COL24A1: variants seen among roughly 807,000 people sequenced by gnomAD.
The protein encoded by COL24A1 is collagen alpha-1(XXIV) chain.
Under a neutral mutation model 253.9 loss-of-function variants are expected in COL24A1, and 224 were observed. The ratio of observed to expected loss-of-function variants is 0.88; its 90% CI spans 0.79 to 0.99. The LOEUF (loss-of-function observed/expected upper bound fraction) is 0.99. Ranked by LOEUF, COL24A1 falls within the 50% of genes least tolerant of loss-of-function variation. The probability of loss-of-function intolerance (pLI) is 0.00; values close to 1 mark genes in which losing one functional copy is unlikely to be tolerated. For synonymous variants in COL24A1, 685 were observed against 673.7 expected, an observed-to-expected ratio of 1.02 and a Z score of -0.26; for missense variants, 2,131 against 2,068.5, an observed-to-expected ratio of 1.03 and a Z score of -0.59.
intron 10 of COL24A1, 123 bp from the exon 11 acceptor site, chr1:86,050,300 A>T: frequency 1.7e-6 from 1 of 596,834 alleles, no homozygotes; most frequent in South Asian, 3.9e-5. Flanking sequence ...TACAAGTGCG[A>T]ATAACTTCCC....
In COL24A1 at chr1:86,019,582, C is replaced by T. The variant is rs1359416; in HGVS notation, c.2257-2378G>A. Among the ~76,000 whole-genome samples, 70 of 151,570 alleles carry T rather than the reference C, an allele frequency of 4.6e-4. No homozygotes were observed. In the East Asian group the frequency reaches 0.012, roughly 27 times the overall value. ...CTAAAAATTTTTTTTTTAATTAAAA[C>T]AAAAAGATACAAACAAGTAATAAAT... is the stretch of plus-strand genomic sequence containing the variant. On this transcript the variant is annotated intron_variant, in intron 18 of 59. Transcript: ENST00000370571.
intron 28 of COL24A1, 93 bp from the exon 29 acceptor site, chr1:85,896,502 T>A (rs1239820356): frequency 6.2e-5 from 29 of 470,604 alleles, no homozygotes; most frequent in Middle Eastern, 4.4e-4. Flanking sequence ...ATGTTGATGA[T>A]TTTTTTTTTT....
At chr1:86,147,844 A>G (rs2102427669) in intron 1 of COL24A1, among the ~76,000 whole-genome samples, 1 of 152,314 alleles carries the variant, frequency 6.6e-6, no homozygotes, top group Admixed American at 6.5e-5. Context: ...ACATGACATG[A>G]CCCTAAAATA....
At chr1:85,950,271 T>A (rs1260082528) in intron 24 of COL24A1, among the ~76,000 whole-genome samples, 1 of 152,206 alleles carries the variant, frequency 6.6e-6, no homozygotes. Flanking sequence ...AAACAATATT[T>A]GTGGAATAGT....
intron 24 of COL24A1, among the ~76,000 whole-genome samples, chr1:85,937,114 C>T (rs1688310355): frequency 6.8e-6 from 1 of 147,530 alleles, no homozygotes; most frequent in Admixed American, 6.8e-5. Flanking sequence ...CCCTTACGAC[C>T]AGCTGTCAGA....
At chr1:85,957,085 G>A (rs952507122) in intron 24 of COL24A1, among the ~76,000 whole-genome samples, 2 of 152,036 alleles carry the variant, frequency 1.3e-5, no homozygotes, top group Non-Finnish European at 2.9e-5. Flanking sequence ...CAAACTAACA[G>A]AGGAACAGAA....
intron 19 of COL24A1, among the ~76,000 whole-genome samples, chr1:86,005,222 CAT>C (rs1695827388): frequency 6.6e-6 from 1 of 152,106 alleles, no homozygotes; most frequent in Non-Finnish European, 1.5e-5. Context: ...ATCTAAATAA[CAT>C]AATCAATAAG....
At chr1:85,831,366 A>T (rs1165171621) in intron 43 of COL24A1, among the ~76,000 whole-genome samples, 1 of 152,098 alleles carries the variant, frequency 6.6e-6, no homozygotes, top group African/African-American at 2.4e-5. Context: ...CTTTTCCACC[A>T]TCCCTGTATG....
At position 86,092,284 on chromosome 1, in the gene COL24A1, G is replaced by A. The variant is rs11161732; in HGVS notation, c.1636C>T (p.Pro546Ser). 586,548 of 1,591,166 alleles carry A rather than the reference G, an allele frequency of 0.37. 110,471 individuals carry two copies. The highest frequency in any genetic ancestry group is 0.43 in the Admixed American group (25,378 of 58,854). Reference sequence around the variant, plus strand: ...ATAATTACCTTTTCTCCAGGAACAGGTTGACCTGGGGAAAATCCTGGATCT... The same window carrying A: ...ATAATTACCTTTTCTCCAGGAACAGATTGACCTGGGGAAAATCCTGGATCT... ...KGDPGFSPGQPVPGEKGDQGL... is the reference protein window; with the variant it reads ...KGDPGFSPGQSVPGEKGDQGL... Residue 546 changes from proline (P) to serine (S), a missense_variant, in exon 6 of 60, where the codon CCT becomes TCT. Transcript: ENST00000370571.
intron 31 of COL24A1, among the ~76,000 whole-genome samples, chr1:85,894,160 A>G (rs911435435): frequency 2.0e-5 from 3 of 152,168 alleles, no homozygotes; most frequent in African/African-American, 4.8e-5. Flanking sequence ...CAAGATGTCA[A>G]TCCAATCCCA....
intron 24 of COL24A1, among the ~76,000 whole-genome samples, chr1:85,956,794 G>C (rs927507187): frequency 1.3e-5 from 2 of 152,214 alleles, no homozygotes; most frequent in South Asian, 2.1e-4. Context: ...CAGGTAAAAG[G>C]CTTGCTTGAT....
At chr1:85,872,674 T>C (rs988388014) in intron 35 of COL24A1, among the ~76,000 whole-genome samples, 6 of 152,168 alleles carry the variant, frequency 3.9e-5, no homozygotes, top group Admixed American at 6.5e-5. Context: ...TTACACCTTA[T>C]ACAAAAATTA....
In COL24A1 at chr1:85,761,336, T is replaced by G. The variant is rs1402456288; in HGVS notation, c.4437+60A>C. ...AATAGAGAGTTAACAGAAGGATATT[T>G]AAAAAGTTAATATGACATACTAAGA... On this transcript the variant is annotated intron_variant, in intron 55 of 59. Transcript: ENST00000370571. The G allele has an allele frequency of 2.4e-5, 38 of 1,579,090 alleles. No individual in the cohort carries two copies. The Admixed American group carries it at 6.5e-4, about 27-fold the overall frequency.
intron 53 of COL24A1, among the ~76,000 whole-genome samples, chr1:85,774,326 A>G (rs928120696): frequency 5.3e-5 from 8 of 152,062 alleles, no homozygotes; most frequent in Non-Finnish European, 2.9e-5. Flanking sequence ...TTGGCCTAAA[A>G]TTCTCTTTTT....
At chr1:85,746,298 G>A (rs1199092614) in intron 55 of COL24A1, among the ~76,000 whole-genome samples, 1 of 152,106 alleles carries the variant, frequency 6.6e-6, no homozygotes, top group Non-Finnish European at 1.5e-5. Context: ...ATAGCTCATG[G>A]TTGGTAGTTT....
chr1:85,988,491 ATTC>A (rs1693937929), intron 19 of COL24A1, among the ~76,000 whole-genome samples: 1 of 152,080 alleles, frequency 6.6e-6, no homozygotes, highest in South Asian at 2.1e-4. Flanking sequence ...TTAGAGTGTG[ATTC>A]ATCAAATTAT....
intron 12 of COL24A1, among the ~76,000 whole-genome samples, chr1:86,043,999 T>C (rs1699710019): frequency 6.6e-6 from 1 of 152,218 alleles, no homozygotes; most frequent in Non-Finnish European, 1.5e-5. Context: ...AATCTTTTAG[T>C]TCTGTTCTGT....
chr1:85,894,330 C>A (rs770982360), intron 31 of COL24A1, among the ~76,000 whole-genome samples: 1 of 152,110 alleles, frequency 6.6e-6, no homozygotes, highest in Non-Finnish European at 1.5e-5. Context: ...GGTAAGGTTA[C>A]AAACCAGGGT....
intron 8 of COL24A1, among the ~76,000 whole-genome samples, chr1:86,060,113 G>C (rs1486663552): frequency 6.6e-6 from 1 of 152,166 alleles, no homozygotes; most frequent in African/African-American, 2.4e-5. Flanking sequence ...AAGGCTGATA[G>C]ATGGAGACCC....
Sources: allele counts gnomAD v4.1 joint callset (sites outside exome capture counted in the v4.1 genomes callset), GRCh38; gene constraint gnomAD v4.1.1; transcripts MANE v1.5; gene names NCBI Gene and HGNC (gene_info 2026-07-23, HGNC 2026-07-21).